Variants in ZFYVE9 observed in about 807,000 individuals in gnomAD.
ZFYVE9 encodes zinc finger FYVE-type containing 9.
ZFYVE9 carries 43 observed loss-of-function variants against 126.7 expected under a neutral mutation model. That is an observed-to-expected ratio of 0.34 (90% CI 0.27 to 0.44). The LOEUF is 0.44. ZFYVE9 is among the 20% of genes least tolerant of loss of function. The probability of loss-of-function intolerance (pLI) is 1.00; values close to 1 mark genes in which losing one functional copy is unlikely to be tolerated. For missense variants in ZFYVE9, 1,476 were observed against 1,697.0 expected, an observed-to-expected ratio of 0.87 and a Z score of 2.29; for synonymous variants, 521 against 597.4, an observed-to-expected ratio of 0.87 and a Z score of 1.87.
chr1:52,332,123 C>T (rs989312143), intron 13 of ZFYVE9, among the ~76,000 whole-genome samples: 1 of 152,080 alleles, frequency 6.6e-6, no homozygotes, highest in African/African-American at 2.4e-5. Flanking sequence ...GATCATTAAC[C>T]TGTTTCAGCC....
intron 7 of ZFYVE9, among the ~76,000 whole-genome samples, chr1:52,269,237 C>A (rs1645663879): frequency 6.6e-6 from 1 of 152,138 alleles, no homozygotes; most frequent in Admixed American, 6.5e-5. Flanking sequence ...TCAAGCAATT[C>A]TCCTGCCTCA....
intron 13 of ZFYVE9, among the ~76,000 whole-genome samples, chr1:52,312,473 T>C (rs1646147509): frequency 6.6e-6 from 1 of 152,194 alleles, no homozygotes; most frequent in Non-Finnish European, 1.5e-5. Flanking sequence ...TTGTTACCTT[T>C]GACAGTCTTT....
chr1:52,342,749 G>T (rs1024037817), intron 17 of ZFYVE9, among the ~76,000 whole-genome samples: 3 of 152,012 alleles, frequency 2.0e-5, no homozygotes, highest in African/African-American at 7.2e-5. Context: ...GGCCAGGCTG[G>T]TCTCAAACTC....
At position 52,288,182 on chromosome 1, in the gene ZFYVE9, T is replaced by TA. The variant is rs568484735; in HGVS notation, c.3026-5269dup. Among the ~76,000 whole-genome samples, 21 of 152,342 alleles carry TA rather than the reference T, an allele frequency of 1.4e-4. No individual in the cohort carries two copies. In the East Asian group the frequency reaches 4.0e-3, roughly 29 times the overall value. On this transcript the variant is annotated intron_variant, in intron 10 of 18. Transcript: ENST00000287727. The stretch of plus-strand genomic sequence containing the variant: ...AGGAAAATGAAAGACACCAAAGGCC[T>TA]AAGTAACTTAAGATCACACAGTTAG...
At chr1:52,312,257 A>C (rs1030607474) in intron 13 of ZFYVE9, among the ~76,000 whole-genome samples, 1 of 152,224 alleles carries the variant, frequency 6.6e-6, no homozygotes, top group Non-Finnish European at 1.5e-5. Flanking sequence ...ATTTAACAAA[A>C]TATATATTGA....
chr1:52,306,466 C>T (rs1646086336), intron 13 of ZFYVE9, among the ~76,000 whole-genome samples: 1 of 152,236 alleles, frequency 6.6e-6, no homozygotes. Context: ...TAAAGCTCCT[C>T]TTCACTTTGC....
intron 13 of ZFYVE9, among the ~76,000 whole-genome samples, chr1:52,318,230 A>T (rs966855255): frequency 2.0e-5 from 3 of 152,214 alleles, no homozygotes; most frequent in African/African-American, 7.2e-5. Context: ...AGGAATGCTA[A>T]GTTGGTTTAA....
intron 4 of ZFYVE9, among the ~76,000 whole-genome samples, chr1:52,249,932 G>A (rs1296735431): frequency 6.6e-6 from 1 of 152,168 alleles, no homozygotes; most frequent in Non-Finnish European, 1.5e-5. Flanking sequence ...CCATATAAGT[G>A]AGAGTTTATT....
At chr1:52,175,913 G>A (rs1184196480) in intron 1 of ZFYVE9, among the ~76,000 whole-genome samples, 1 of 152,114 alleles carries the variant, frequency 6.6e-6, no homozygotes, top group East Asian at 1.9e-4. Context: ...TTTTTTCAAA[G>A]TTTTCAACTT....
In ZFYVE9 at chr1:52,344,949, G is replaced by A. The variant is rs771545010; in HGVS notation, c.4116+5G>A. 5.0e-6 allele frequency: 8 copies of A among 1,613,434 alleles called. No individual in the cohort carries two copies. Among genetic ancestry groups the A allele is most frequent in the Non-Finnish European group, 6.8e-6 (8 of 1,179,560 alleles). On this transcript the variant is annotated splice_donor_5th_base_variant and intron_variant, in intron 18 of 18. Transcript: ENST00000287727. ...GTGACACTTGACTCAGATCAGGTAT[G>A]ATGTGTCTTCCGCAGCTTTTAAAGC...
At chr1:52,147,438 T>C (rs1040014538) in intron 1 of ZFYVE9, among the ~76,000 whole-genome samples, 1 of 152,210 alleles carries the variant, frequency 6.6e-6, no homozygotes, top group Non-Finnish European at 1.5e-5. Flanking sequence ...CAACCGCTAA[T>C]GTACTTTCTG....
Position 52,278,663 on chromosome 1 carries a change from T to C in ZFYVE9, c.2869+49T>C, listed in dbSNP as rs202057905. On this transcript the variant is annotated intron_variant, in intron 9 of 18. Transcript: ENST00000287727. ...TAAAATCAGATGTTTTACTGACTCA[T>C]AGTACATAAAACTTTCAGATTTATT... The C allele has an allele frequency of 1.2e-5, 16 of 1,287,186 alleles. No homozygotes were observed. The East Asian group carries it at 3.6e-4, about 29-fold the overall frequency. 79.7% of individuals were successfully genotyped at this position (1,287,186 alleles called of 1,614,324 possible). A position where few individuals can be genotyped will look rare whatever the true frequency, so the allele number is the denominator to read the frequency against.
intron 1 of ZFYVE9, among the ~76,000 whole-genome samples, chr1:52,188,264 G>C (rs1308144835): frequency 6.6e-6 from 1 of 152,112 alleles, no homozygotes; most frequent in Non-Finnish European, 1.5e-5. Flanking sequence ...TTATAAGTGA[G>C]AGCTAAATGA....
intron 1 of ZFYVE9, among the ~76,000 whole-genome samples, chr1:52,198,420 A>G (rs1021015300): frequency 2.0e-5 from 3 of 152,036 alleles, no homozygotes; most frequent in East Asian, 3.9e-4. Flanking sequence ...AATATAAGTA[A>G]TTTGAGCATG....
At chr1:52,204,401 A>G (rs574429526) in intron 1 of ZFYVE9, among the ~76,000 whole-genome samples, 3 of 152,146 alleles carry the variant, frequency 2.0e-5, no homozygotes, top group South Asian at 4.2e-4. Flanking sequence ...GCTTTCGTCA[A>G]ATAGTTTCTG....
At chr1:52,196,049 C>G (rs1644857158) in intron 1 of ZFYVE9, among the ~76,000 whole-genome samples, 1 of 152,130 alleles carries the variant, frequency 6.6e-6, no homozygotes, top group Admixed American at 6.5e-5. Context: ...ACCTTGGCCT[C>G]CCAAAGTGCT....
At chr1:52,185,761 A>G (rs1460736919) in intron 1 of ZFYVE9, among the ~76,000 whole-genome samples, 1 of 151,804 alleles carries the variant, frequency 6.6e-6, no homozygotes, top group East Asian at 1.9e-4. Flanking sequence ...ATCTCTACTA[A>G]AAATATAAAA....
intron 1 of ZFYVE9, among the ~76,000 whole-genome samples, chr1:52,175,857 A>G (rs556756060): frequency 2.6e-5 from 4 of 152,142 alleles, no homozygotes; most frequent in South Asian, 2.1e-4. Context: ...CAGCTCCTTT[A>G]AGCACTTCTC....
In ZFYVE9 at chr1:52,238,306, A is replaced by G. The variant is rs1284051728; in HGVS notation, c.889A>G (p.Ile297Val). 1.8e-5 allele frequency: 29 copies of G among 1,613,714 alleles called. No individual in the cohort carries two copies. Among genetic ancestry groups the G allele is most frequent in the Non-Finnish European group, 2.2e-5 (26 of 1,179,974 alleles). ...YIPDEDLTGK[I>V]SSPRTDLGSP... The stretch of plus-strand genomic sequence containing the variant: ...ACCAGATGAGGACCTCACTGGCAAA[A>G]TCAGCTCTCCTAGGACAGATCTAGG... The change falls in exon 4 of 19, where the codon ATC becomes GTC. Residue 297 changes from isoleucine (I) to valine (V), a missense_variant. By Grantham distance (29) the Ile-to-Val change is conservative. This residue lies in a region of ZFYVE9 where 807 missense variants were observed against 794.6 expected (regional missense o/e 1.02). Coordinates refer to ENST00000287727, the MANE Select transcript of ZFYVE9 (RefSeq NM_004799.4).
Sources: gnomAD v4.1 joint callset for allele counts (sites outside exome capture counted in the v4.1 genomes callset) on GRCh38, gnomAD v4.1.1 for gene constraint, gnomAD v4.1.1 regional missense constraint, MANE v1.5 for transcripts, NCBI Gene and HGNC (gene_info 2026-07-23, HGNC 2026-07-21) for gene names.